CAMTA1: variants seen among roughly 807,000 people sequenced by gnomAD.
CAMTA1 encodes the protein calmodulin binding transcription activator 1.
A neutral mutation model predicts 170.9 loss-of-function variants in CAMTA1; 27 were observed. The observed-to-expected ratio is 0.16, with a 90% CI of 0.12 to 0.22. The LOEUF (loss-of-function observed/expected upper bound fraction) is 0.22. CAMTA1 is among the 10% of genes least tolerant of loss of function. CAMTA1 has a pLI of 1.00. For synonymous variants in CAMTA1, 833 were observed against 891.5 expected (o/e 0.93, Z 1.17); for missense variants, 1,619 against 2,217.2 (o/e 0.73, Z 5.42).
At chr1:6,843,762 G>A (rs893115916) in intron 3 of CAMTA1, among the ~76,000 whole-genome samples, 2 of 152,190 alleles carry the variant, frequency 1.3e-5, no homozygotes, top group African/African-American at 4.8e-5. Context: ...TTATAGGCAT[G>A]AGCCACTGCG....
Position 7,587,373 on chromosome 1 carries a change from A to T in CAMTA1, c.511-53027A>T, listed in dbSNP as rs138098563. The stretch of plus-strand genomic sequence containing the variant: ...CCTTCCTAAAGGGCTTTGCTCACAG[A>T]TCCATCTAAACCCAATTACCGGGAG... On this transcript the variant is annotated intron_variant, in intron 6 of 22. Coordinates refer to ENST00000303635, the MANE Select transcript of CAMTA1 (RefSeq NM_015215.4). 2.6e-4 allele frequency among the ~76,000 whole-genome samples: 40 copies of T among 152,070 alleles called. 1 individual carries two copies. Among genetic ancestry groups the T allele is most frequent in the African/African-American group, 9.4e-4 (39 of 41,414 alleles).
intron 1 of CAMTA1, among the ~76,000 whole-genome samples, chr1:6,791,920 A>G (rs754209821): frequency 3.9e-5 from 6 of 151,946 alleles, no homozygotes; most frequent in Admixed American, 6.5e-5. Flanking sequence ...ACAAACATAT[A>G]GATGGTCTCC....
intron 6 of CAMTA1, among the ~76,000 whole-genome samples, chr1:7,511,535 C>T (rs1212147284): frequency 6.6e-6 from 1 of 152,138 alleles, no homozygotes; most frequent in African/African-American, 2.4e-5. Flanking sequence ...CTGTGGCTGT[C>T]TCTCCATCAC....
At chr1:7,514,878 C>T (rs1404609348) in intron 6 of CAMTA1, among the ~76,000 whole-genome samples, 3 of 152,186 alleles carry the variant, frequency 2.0e-5, no homozygotes, top group Admixed American at 1.3e-4. Flanking sequence ...GCTTGGGATG[C>T]AGACTGAGAT....
chr1:6,898,539 C>G (rs533680285), intron 3 of CAMTA1, among the ~76,000 whole-genome samples: 152 of 152,240 alleles, frequency 1.0e-3, no homozygotes, highest in Admixed American at 3.4e-3. Flanking sequence ...GGTGACAGAG[C>G]AAGAGCCCAT....
intron 11 of CAMTA1, among the ~76,000 whole-genome samples, chr1:7,683,661 G>A (rs1379681130): frequency 6.6e-6 from 1 of 152,232 alleles, no homozygotes; most frequent in Non-Finnish European, 1.5e-5. Context: ...AGCAGCTGGC[G>A]TGAGCCGGTC....
At position 7,426,091 on chromosome 1, in the gene CAMTA1, G is replaced by A. The variant is rs1483627728; in HGVS notation, c.439-41739G>A. On this transcript the variant is annotated intron_variant, in intron 5 of 22. Transcript: ENST00000303635. The surrounding 1 kb of genome is among the most constrained non-coding windows in gnomAD (Gnocchi z 4.8). Reference sequence around the variant, plus strand: ...GTAGGGGCCTCCTGGCATCTGCAGGGCTCCTCCCTCCTTCTGCTAGTCCCA... The same window carrying A: ...GTAGGGGCCTCCTGGCATCTGCAGGACTCCTCCCTCCTTCTGCTAGTCCCA... Among the ~76,000 whole-genome samples, 1 of 152,158 alleles carries A rather than the reference G, an allele frequency of 6.6e-6. No homozygotes were observed. The highest frequency in any genetic ancestry group is 6.5e-5 in the Admixed American group (1 of 15,274).
At chr1:6,883,351 G>C (rs1416272258) in intron 3 of CAMTA1, among the ~76,000 whole-genome samples, 1 of 152,114 alleles carries the variant, frequency 6.6e-6, no homozygotes, top group African/African-American at 2.4e-5. Context: ...TAAAAGCCCA[G>C]TTCCAGGTGG....
rs1673527555 is a variant in CAMTA1 at position 7,293,866 on chromosome 1, C to G, written c.438+44240C>G. ...CATGCCCCGGGGGGCCTCTTTGGAG[C>G]CTGTTGGAGGAGATTTTGTAGTAAT... is the stretch of plus-strand genomic sequence containing the variant. On this transcript the variant is annotated intron_variant, in intron 5 of 22. Transcript: ENST00000303635. This position sits in a 1 kb window ranked among gnomAD's most constrained non-coding sequence, Gnocchi z 4.1. 6.6e-6 allele frequency among the ~76,000 whole-genome samples: 1 copy of G among 152,184 alleles called. No individual in the cohort carries two copies. Among genetic ancestry groups the G allele is most frequent in the Non-Finnish European group, 1.5e-5 (1 of 68,038 alleles).
chr1:7,149,287 C>T (rs1646426326), intron 4 of CAMTA1, among the ~76,000 whole-genome samples: 1 of 152,238 alleles, frequency 6.6e-6, no homozygotes, highest in African/African-American at 2.4e-5. Context: ...GGGCCTTTTG[C>T]TTCTGAGCAG....
At chr1:7,719,326 A>G (rs754357889) in intron 11 of CAMTA1, among the ~76,000 whole-genome samples, 4 of 152,222 alleles carry the variant, frequency 2.6e-5, no homozygotes, top group Non-Finnish European at 5.9e-5. Context: ...GAAAGATTTC[A>G]AATGAGAGAT....
rs560806661 is a variant in CAMTA1 at position 7,519,258 on chromosome 1, T to C, written c.510+51357T>C. Among the ~76,000 whole-genome samples the C allele has an allele frequency of 2.6e-5, 4 of 152,096 alleles. No homozygotes were observed. The South Asian group carries it at 6.2e-4, about 24-fold the overall frequency. On this transcript the variant is annotated intron_variant, in intron 6 of 22. Transcript: ENST00000303635. ...TTGGGGACAGCCCTCACCTGTCTCCTTGAGGCTTCGGCAGGTGGGCAGGGG... is the reference window on the plus strand; with the variant it reads ...TTGGGGACAGCCCTCACCTGTCTCCCTGAGGCTTCGGCAGGTGGGCAGGGG...
At chr1:7,190,562 G>A (rs1654325108) in intron 4 of CAMTA1, among the ~76,000 whole-genome samples, 1 of 152,130 alleles carries the variant, frequency 6.6e-6, no homozygotes, top group African/African-American at 2.4e-5. Flanking sequence ...AGAGACTGAG[G>A]TGAGTAGCGG....
At chr1:7,509,666 C>T (rs955270287) in intron 6 of CAMTA1, among the ~76,000 whole-genome samples, 4 of 152,134 alleles carry the variant, frequency 2.6e-5, no homozygotes, top group African/African-American at 9.7e-5. Flanking sequence ...TATAACTTGG[C>T]CGTAAAAACG....
intron 5 of CAMTA1, among the ~76,000 whole-genome samples, chr1:7,287,651 G>A (rs149366003): frequency 1.1e-4 from 17 of 152,234 alleles, no homozygotes; most frequent in South Asian, 4.2e-4. Flanking sequence ...GTTAGGCCAC[G>A]TGCTGGTAAT....
intron 4 of CAMTA1, among the ~76,000 whole-genome samples, chr1:7,145,785 G>T (rs899454901): frequency 7.2e-5 from 11 of 152,218 alleles, no homozygotes; most frequent in African/African-American, 2.7e-4. Flanking sequence ...TGGCTTCTAG[G>T]CTGCAAGCAT....
chr1:6,878,361 T>A (rs1304543029), intron 3 of CAMTA1, among the ~76,000 whole-genome samples: 5 of 152,246 alleles, frequency 3.3e-5, no homozygotes, highest in Non-Finnish European at 7.3e-5. Context: ...GCCCAGCTCG[T>A]AGATCACAAG....
At chr1:7,553,248 G>GAATAAGT in intron 6 of CAMTA1, among the ~76,000 whole-genome samples, 1 of 30,722 alleles carries the variant, frequency 3.3e-5, no homozygotes, top group Non-Finnish European at 7.6e-5. Context: ...AATGAATGAG[G>GAATAAGT]GAATGAATGA....
chr1:7,103,814 C>G (rs1643156068), intron 4 of CAMTA1, among the ~76,000 whole-genome samples: 1 of 134,414 alleles, frequency 7.4e-6, no homozygotes, highest in Non-Finnish European at 1.6e-5. Flanking sequence ...ATACATACAA[C>G]TACACACATG....
Sources: gnomAD v4.1 joint callset for allele counts (sites outside exome capture counted in the v4.1 genomes callset) on GRCh38, gnomAD v4.1.1 for gene constraint, Gnocchi (gnomAD v3.1) non-coding constraint, MANE v1.5 for transcripts, NCBI Gene and HGNC (gene_info 2026-07-23, HGNC 2026-07-21) for gene names.